The following GAB4 variants were observed in gnomAD, a reference collection of about 807,000 sequenced individuals.
GAB4 encodes GRB2 associated binding protein family member 4.
GAB4 carries 26 observed loss-of-function variants against 51.3 expected under a neutral mutation model. The observed-to-expected ratio is 0.51, with a 90% CI of 0.37 to 0.70. The LOEUF (loss-of-function observed/expected upper bound fraction) is 0.70. Ranked by LOEUF, GAB4 falls within the 30% of genes least tolerant of loss-of-function variation. The pLI is 0.00. For synonymous variants in GAB4, 329 were observed against 291.2 expected (o/e 1.13, Z -1.32); for missense variants, 759 against 734.6 (o/e 1.03, Z -0.38).
At chr22:16,998,002 T>C (rs1260803389) in intron 1 of GAB4, among the ~76,000 whole-genome samples, 1 of 152,250 alleles carries the variant, frequency 6.6e-6, no homozygotes, top group East Asian at 1.9e-4. Flanking sequence ...TCCATTGGTC[T>C]ATATCTCTGT....
chr22:16,962,905 G>A (rs745560438), intron 9 of GAB4, 29 bp from the exon 10 acceptor site: 3 of 1,598,770 alleles, frequency 1.9e-6, no homozygotes, highest in Admixed American at 1.7e-5. Flanking sequence ...AAGTGGGAGT[G>A]GCAGTGTCTG....
At chr22:16,984,522 G>T (rs2060852254) in intron 3 of GAB4, among the ~76,000 whole-genome samples, 1 of 152,180 alleles carries the variant, frequency 6.6e-6, no homozygotes, top group Admixed American at 6.5e-5. Flanking sequence ...AATTCTGCTG[G>T]TTCTCCGTAA....
At chr22:16,963,644 G>T in intron 9 of GAB4, 81 bp downstream of exon 9, 1 of 951,154 alleles carries the variant, frequency 1.1e-6, no homozygotes, top group Non-Finnish European at 1.6e-6. Context: ...GCCCAGTGCT[G>T]CCGGTGCTGA....
intron 1 of GAB4, among the ~76,000 whole-genome samples, chr22:17,004,788 G>A (rs369421463): frequency 1.7e-4 from 25 of 150,972 alleles, no homozygotes; most frequent in African/African-American, 4.9e-4. Flanking sequence ...ACAGGCCTTC[G>A]ATAAAATTCA....
Position 16,996,950 on chromosome 22 carries a change from TG to T in GAB4, c.175-4775del, listed in dbSNP as rs547675250. Among the ~76,000 whole-genome samples the T allele has an allele frequency of 2.8e-4, 42 of 152,194 alleles. 1 individual carries two copies. The South Asian group carries it at 8.3e-3, about 30-fold the overall frequency. ...CCTTGCAATAGTTTGCTGAGAATGA[TG>T]GATTCCAGCTTCATCCATGGCCCTA... On this transcript the variant is annotated intron_variant, in intron 1 of 9. Coordinates refer to ENST00000400588, the MANE Select transcript of GAB4 (RefSeq NM_001037814.1).
At chr22:16,968,264 C>G in intron 5 of GAB4, 34 bp downstream of exon 5, 1 of 1,476,658 alleles carries the variant, frequency 6.8e-7, no homozygotes. Context: ...CCTCCCTGAG[C>G]CAGTCTGGGG....
chr22:16,977,597 T>C (rs1332970622), intron 3 of GAB4, among the ~76,000 whole-genome samples: 9 of 152,174 alleles, frequency 5.9e-5, no homozygotes, highest in Admixed American at 5.9e-4. Flanking sequence ...TACCCCACTG[T>C]CAATATTAGA....
chr22:16,967,010 G>A (rs2060681545), intron 5 of GAB4: 1 of 152,316 alleles, frequency 6.6e-6, no homozygotes, highest in Non-Finnish European at 1.5e-5. Context: ...GAAGCTATCA[G>A]AGTGACCTTG....
chr22:16,965,208 G>A lies in GAB4; in HGVS notation c.1349C>T (p.Pro450Leu). Residue 450 changes from proline (P) to leucine (L), a missense_variant, in exon 7 of 10, where the codon CCA (proline) becomes CTA (leucine). Physicochemically the swap from Pro to Leu is moderately conservative, Grantham distance 98 (BLOSUM62 -3). Around this residue, in one of 3 missense-constraint regions of GAB4, gnomAD observed 588 missense variants for 510.2 expected, o/e 1.15. Coordinates refer to ENST00000400588, the MANE Select transcript of GAB4 (RefSeq NM_001037814.1). Reference protein sequence around the residue: ...NRVINELSFKPPVTEPWSGTS... With the variant: ...NRVINELSFKLPVTEPWSGTS... ...CCCAGACCAGGGCTCTGTGACAGGT[G>A]GCTTGAAGGAGAGCTCATTGATGAC... The A allele has an allele frequency of 1.9e-6, 3 of 1,614,008 alleles. No individual in the cohort carries two copies. The highest frequency in any genetic ancestry group is 2.5e-6 in the Non-Finnish European group (3 of 1,179,926).
chr22:16,967,536 C>T (rs1215815516), intron 5 of GAB4: 1 of 152,370 alleles, frequency 6.6e-6, no homozygotes, highest in Non-Finnish European at 1.5e-5. Flanking sequence ...AGATTCCTCT[C>T]CCCCAATGGC....
At chr22:16,995,745 C>G (rs2060945034) in intron 1 of GAB4, among the ~76,000 whole-genome samples, 1 of 152,194 alleles carries the variant, frequency 6.6e-6, no homozygotes, top group African/African-American at 2.4e-5. Flanking sequence ...AACTAACAAA[C>G]AGAAAGCAAT....
Position 16,962,677 on chromosome 22 carries a change from T to C in GAB4, c.*56A>G, listed in dbSNP as rs111539402. 8,758 of 1,514,922 alleles carry C rather than the reference T, an allele frequency of 5.8e-3. 493 individuals are homozygous for C. In the African/African-American group the frequency reaches 0.11, roughly 18 times the overall value. The allele number at this position is 1,514,922 out of a possible 1,614,324, so 93.8% of individuals were successfully genotyped here. On this transcript the variant is annotated 3_prime_UTR_variant, in exon 10 of 10. Coordinates refer to ENST00000400588, the MANE Select transcript of GAB4 (RefSeq NM_001037814.1). Reference sequence around the variant, plus strand: ...CCTGATATTACAGAGCTTTAGAGTGTGGCGGAGCAGCTCTGAGGCACTGTC... The same window carrying C: ...CCTGATATTACAGAGCTTTAGAGTGCGGCGGAGCAGCTCTGAGGCACTGTC...
At chr22:16,999,875 T>C (rs140915193) in intron 1 of GAB4, among the ~76,000 whole-genome samples, 3,367 of 152,356 alleles carry the variant, frequency 0.022, 57 homozygotes, top group Middle Eastern at 0.068. Flanking sequence ...AACATCTTTA[T>C]TTCTGCCTTC....
intron 3 of GAB4, among the ~76,000 whole-genome samples, chr22:16,976,274 A>G (rs2060777531): frequency 6.6e-6 from 1 of 152,232 alleles, no homozygotes; most frequent in African/African-American, 2.4e-5. Context: ...GACCTTGATA[A>G]AAGGTTACAG....
intron 9 of GAB4, among the ~76,000 whole-genome samples, 175 bp downstream of exon 9, chr22:16,963,550 G>C (rs2060646415): frequency 6.6e-6 from 1 of 152,094 alleles, no homozygotes; most frequent in Non-Finnish European, 1.5e-5. Context: ...ACGCTGAGAG[G>C]GAAGGAACAG....
chr22:16,962,589 G>T lies in GAB4; in HGVS notation c.*144C>A, dbSNP rs2060637794. 4 of 656,444 alleles carry T rather than the reference G, an allele frequency of 6.1e-6. No individual in the cohort carries two copies. Among genetic ancestry groups the T allele is most frequent in the African/African-American group, 5.6e-5 (3 of 54,004 alleles). 40.7% of individuals were successfully genotyped at this position (656,444 alleles called of 1,614,324 possible). A position where few individuals can be genotyped will look rare whatever the true frequency, so the allele number is the denominator to read the frequency against. ...CATGGCCAGCCAAAGGCACAGGTGG[G>T]CCCCAAGCAGGCAAAGGATGTATAT... On this transcript the variant is annotated 3_prime_UTR_variant, in exon 10 of 10. Coordinates refer to ENST00000400588, the MANE Select transcript of GAB4 (RefSeq NM_001037814.1).
chr22:16,962,174 T>G lies in GAB4; in HGVS notation c.*559A>C, dbSNP rs1426458058. On this transcript the variant is annotated 3_prime_UTR_variant, in exon 10 of 10. Coordinates refer to ENST00000400588, the MANE Select transcript of GAB4 (RefSeq NM_001037814.1). ...TCCCACCCGGGAGCAGCTGCCATAC[T>G]CTGGCCTCAGTCTGAAAGTGGGAGC... 2 of 152,856 alleles carry G rather than the reference T, an allele frequency of 1.3e-5. No individual in the cohort carries two copies. The highest frequency in any genetic ancestry group is 4.8e-5 in the African/African-American group (2 of 41,486). The allele number at this position is 152,856 out of a possible 1,614,324, so 9.5% of individuals were successfully genotyped here.
chr22:16,969,812 C>T (rs2060713998), intron 4 of GAB4, 131 bp downstream of exon 4: 1 of 1,148,062 alleles, frequency 8.7e-7, no homozygotes, highest in Admixed American at 1.8e-5. Flanking sequence ...CATAGAGGTT[C>T]TTGTCTAACG....
At chr22:16,987,277 C>T (rs1000247177) in intron 3 of GAB4, among the ~76,000 whole-genome samples, 4 of 152,158 alleles carry the variant, frequency 2.6e-5, no homozygotes, top group African/African-American at 7.2e-5. Context: ...TGCACATTTG[C>T]GTGACCTTAC....
Sources: allele counts gnomAD v4.1 joint callset (sites outside exome capture counted in the v4.1 genomes callset), GRCh38; gene constraint gnomAD v4.1.1; regional missense constraint gnomAD v4.1.1; transcripts MANE v1.5; gene names NCBI Gene and HGNC (gene_info 2026-07-23, HGNC 2026-07-21).